The following DICER1 variants were observed in gnomAD, a reference collection of about 807,000 sequenced individuals.
The protein encoded by DICER1 is endoribonuclease Dicer.
A neutral mutation model predicts 194.1 loss-of-function variants in DICER1; 43 were observed. The ratio of observed to expected loss-of-function variants is 0.22; its 90% CI spans 0.17 to 0.29. The LOEUF is 0.29. Ranked by LOEUF, DICER1 falls within the 10% of genes least tolerant of loss-of-function variation. DICER1 has a pLI of 1.00. For synonymous variants in DICER1, 832 were observed against 820.5 expected (o/e 1.01, Z -0.24); for missense variants, 1,608 against 2,317.0 (o/e 0.69, Z 6.28).
chr14:95,102,749 A>ATGCTGAGTTTAAGAGCCCGCCC (rs1890995280), intron 21 of DICER1, among the ~76,000 whole-genome samples: 1 of 152,136 alleles, frequency 6.6e-6, no homozygotes, highest in Admixed American at 6.5e-5. Context: ...GTCTTAGTCC[A>ATGCTGAGTTTAAGAGCCCGCCC]TGCTGAGTTT....
chr14:95,141,020 T>C (rs1894795374), intron 1 of DICER1: 1 of 152,104 alleles, frequency 6.6e-6, no homozygotes, highest in South Asian at 2.1e-4. Flanking sequence ...CAAAAAAAGA[T>C]TTCAAAGCTA....
intron 20 of DICER1, 119 bp from the exon 21 acceptor site, chr14:95,104,245 G>A (rs916732470): frequency 6.5e-5 from 55 of 842,822 alleles, no homozygotes; most frequent in Non-Finnish European, 7.7e-5. Flanking sequence ...CTAAACTTTA[G>A]AATAGAAGCA....
At position 95,106,275 on chromosome 14, in the gene DICER1, T is replaced by G. The variant is rs142321612; in HGVS notation, c.2805-52A>C. 2.7e-4 allele frequency: 374 copies of G among 1,362,868 alleles called. 2 individuals carry two copies. The East Asian group carries it at 7.4e-3, about 27-fold the overall frequency. The allele number at this position is 1,362,868 out of a possible 1,614,324, so 84.4% of individuals were successfully genotyped here. A position where few individuals can be genotyped will look rare whatever the true frequency, so the allele number is the denominator to read the frequency against. ...CAGTTGCTTTTTGATTTAAATCAACTATTCTCAAAATACAACTGTTTGTAG... is the reference window on the plus strand; with the variant it reads ...CAGTTGCTTTTTGATTTAAATCAACGATTCTCAAAATACAACTGTTTGTAG... On this transcript the variant is annotated intron_variant, in intron 17 of 26. Transcript: ENST00000343455.
chr14:95,105,673 A>T lies in DICER1; in HGVS notation c.3093+5T>A. ...TAAGTTATGCTAGTACAATTAACTC[A>T]TTACCTGTTTATTCTGCAGACTTTC... On this transcript the variant is annotated splice_donor_5th_base_variant and intron_variant, in intron 19 of 26. Coordinates refer to ENST00000343455, the MANE Select transcript of DICER1 (RefSeq NM_177438.3). The surrounding 1 kb of genome is among the most constrained non-coding windows in gnomAD (Gnocchi z 4.9). 6.3e-7 allele frequency: 1 copy of T among 1,582,664 alleles called. No individual in the cohort carries two copies. Among genetic ancestry groups the T allele is most frequent in the African/African-American group, 1.3e-5 (1 of 74,310 alleles).
intron 12 of DICER1, 76 bp from the exon 13 acceptor site, chr14:95,112,323 C>T (rs1892051206): frequency 2.6e-6 from 3 of 1,147,392 alleles, no homozygotes; most frequent in Non-Finnish European, 3.9e-6. Flanking sequence ...ACCTATGAAA[C>T]CACTGCCCCA....
intron 7 of DICER1, among the ~76,000 whole-genome samples, chr14:95,125,283 G>T (rs1256214173): frequency 6.6e-6 from 1 of 151,796 alleles, no homozygotes; most frequent in African/African-American, 2.4e-5. Flanking sequence ...TAGGACAGCT[G>T]CACTGGGGCA....
chr14:95,098,989 G>A (rs1474627635), intron 22 of DICER1, among the ~76,000 whole-genome samples: 2 of 151,920 alleles, frequency 1.3e-5, no homozygotes, highest in Admixed American at 6.5e-5. Context: ...ACCTTTGAAA[G>A]AAAAAAACGG....
intron 1 of DICER1, among the ~76,000 whole-genome samples, chr14:95,150,817 A>T (rs1400638285): frequency 6.6e-6 from 1 of 152,178 alleles, no homozygotes; most frequent in Non-Finnish European, 1.5e-5. Context: ...CTGACAACAC[A>T]TACCTAATGT....
intron 8 of DICER1, among the ~76,000 whole-genome samples, chr14:95,123,947 T>C (rs1311978471): frequency 6.6e-6 from 1 of 152,210 alleles, no homozygotes; most frequent in Non-Finnish European, 1.5e-5. Flanking sequence ...ATACTTGTCC[T>C]CCATTTTAGG....
chr14:95,143,868 T>C (rs1320444979), intron 1 of DICER1, among the ~76,000 whole-genome samples: 1 of 152,190 alleles, frequency 6.6e-6, no homozygotes, highest in African/African-American at 2.4e-5. Context: ...ACAGTATTCA[T>C]ACCAAATAAT....
intron 1 of DICER1, among the ~76,000 whole-genome samples, chr14:95,155,324 A>T (rs964303843): frequency 6.6e-6 from 1 of 152,240 alleles, no homozygotes; most frequent in East Asian, 1.9e-4. Flanking sequence ...GAGACTGTCT[A>T]CGAAATATCT....
chr14:95,136,685 T>C (rs906996838), intron 1 of DICER1: 8 of 152,306 alleles, frequency 5.3e-5, no homozygotes, highest in African/African-American at 1.7e-4. Context: ...TTTCATTTGA[T>C]GGTTGAAGAG....
At chr14:95,153,835 G>C (rs565347255) in intron 1 of DICER1, among the ~76,000 whole-genome samples, 1 of 152,218 alleles carries the variant, frequency 6.6e-6, no homozygotes, top group East Asian at 1.9e-4. Flanking sequence ...GTGAAAACTA[G>C]CCATCAAAAA....
rs1060503651 is a variant in DICER1 at position 95,091,356 on chromosome 14, A to C, written c.5374T>G (p.Ser1792Ala). The change falls in exon 25 of 27, where the codon TCT (serine) becomes GCT (alanine). Residue 1792 changes from serine (S) to alanine (A), a missense_variant. Around this residue, in one of 10 missense-constraint regions of DICER1, gnomAD observed 138 missense variants for 298.3 expected, o/e 0.46. Coordinates refer to ENST00000343455, the MANE Select transcript of DICER1 (RefSeq NM_177438.3). ...TCTTCTTTCTCTTCATCCTCCTCAG[A>C]TCTCCTAAGCTATTACAGAGGGAAA... is the stretch of plus-strand genomic sequence containing the variant. ...MQGMDSELRR[S>A]EEDEEKEEDI... 6.2e-7 allele frequency: 1 copy of C among 1,614,044 alleles called. No homozygotes were observed. Among genetic ancestry groups the C allele is most frequent in the Non-Finnish European group, 8.5e-7 (1 of 1,179,992 alleles).
chr14:95,113,080 T>C lies in DICER1; in HGVS notation c.2040+12A>G. On this transcript the variant is annotated intron_variant, in intron 12 of 26. Coordinates refer to ENST00000343455, the MANE Select transcript of DICER1 (RefSeq NM_177438.3). ...TTTAAAAGATAACAATCATTTCTTCTTCTAAACTTACAACAATGGAGGCTC... is the reference window on the plus strand; with the variant it reads ...TTTAAAAGATAACAATCATTTCTTCCTCTAAACTTACAACAATGGAGGCTC... The C allele has an allele frequency of 6.2e-7, 1 of 1,613,094 alleles. No homozygotes were observed.
Position 95,124,756 on chromosome 14 carries a change from C to A in DICER1, c.904-88G>T. The A allele has an allele frequency of 8.9e-7, 1 of 1,118,878 alleles. No individual in the cohort carries two copies. Among genetic ancestry groups the A allele is most frequent in the South Asian group, 1.3e-5 (1 of 76,128 alleles). The allele number at this position is 1,118,878 out of a possible 1,614,324, so 69.3% of individuals were successfully genotyped here. A position where few individuals can be genotyped will look rare whatever the true frequency, so the allele number is the denominator to read the frequency against. On this transcript the variant is annotated intron_variant, in intron 7 of 26. Transcript: ENST00000343455. This position sits in a 1 kb window ranked among gnomAD's most constrained non-coding sequence, Gnocchi z 4.5. The stretch of plus-strand genomic sequence containing the variant: ...GGGTTTAACTGGGATTTCAGTTGTT[C>A]TCAAATGGCTCCTTAAATGTAACCC...
At chr14:95,097,245 A>G (rs1335782819) in intron 22 of DICER1, among the ~76,000 whole-genome samples, 3 of 152,356 alleles carry the variant, frequency 2.0e-5, no homozygotes, top group South Asian at 2.1e-4. Flanking sequence ...AAAATGTACA[A>G]TAGGATTTTA....
chr14:95,090,695 G>T (rs773921062), intron 26 of DICER1, 32 bp from the exon 27 acceptor site: 10 of 1,612,358 alleles, frequency 6.2e-6, no homozygotes, highest in Non-Finnish European at 8.5e-6. Context: ...TGAATTAGAA[G>T]TCAGAAGTAT....
rs982179809 is a variant in DICER1 at position 95,124,072 on chromosome 14, T to C, written c.1376+124A>G. 2 of 714,680 alleles carry C rather than the reference T, an allele frequency of 2.8e-6. No homozygotes were observed. Among genetic ancestry groups the C allele is most frequent in the African/African-American group, 1.8e-5 (1 of 56,760 alleles). 44.3% of individuals were successfully genotyped at this position (714,680 alleles called of 1,614,324 possible). A position where few individuals can be genotyped will look rare whatever the true frequency, so the allele number is the denominator to read the frequency against. ...GGACAGCATGACGTATCAGCAATGA[T>C]GGCGCCAAGTCAAGGACACTTACAT... is the stretch of plus-strand genomic sequence containing the variant. On this transcript the variant is annotated intron_variant, in intron 8 of 26. Coordinates refer to ENST00000343455, the MANE Select transcript of DICER1 (RefSeq NM_177438.3). The surrounding 1 kb of genome is among the most constrained non-coding windows in gnomAD (Gnocchi z 4.5).
Sources: gnomAD v4.1 joint callset for allele counts (sites outside exome capture counted in the v4.1 genomes callset) on GRCh38, gnomAD v4.1.1 for gene constraint, gnomAD v4.1.1 regional missense constraint, Gnocchi (gnomAD v3.1) non-coding constraint, MANE v1.5 for transcripts, NCBI Gene and HGNC (gene_info 2026-07-23, HGNC 2026-07-21) for gene names.